Variants in GRIP1 observed in about 807,000 individuals in gnomAD.
GRIP1 encodes the protein glutamate receptor interacting protein 1.
GRIP1 carries 45 observed loss-of-function variants against 129.9 expected under a neutral mutation model. The observed-to-expected ratio is 0.35, with a 90% confidence interval of 0.27 to 0.44. The LOEUF (loss-of-function observed/expected upper bound fraction) is 0.44. Among genes scored for constraint, GRIP1 ranks in the 20% least tolerant of loss-of-function variants. The pLI, the probability that GRIP1 is intolerant of heterozygous loss-of-function variation, is 1.00. For synonymous variants in GRIP1, 530 were observed against 520.8 expected (o/e 1.02, Z -0.24); for missense variants, 1,196 against 1,396.8 (o/e 0.86, Z 2.29).
chr12:66,805,915 A>G (rs547760576), upstream of GRIP1, among the ~76,000 whole-genome samples: 5 of 152,144 alleles, frequency 3.3e-5, no homozygotes, highest in African/African-American at 1.2e-4. Context: ...AAGATGCTAT[A>G]AAATGTTTTA....
intron 1 of GRIP1, among the ~76,000 whole-genome samples, chr12:66,689,624 C>G (rs2034907376): frequency 6.6e-6 from 1 of 152,108 alleles, no homozygotes; most frequent in Non-Finnish European, 1.5e-5. Flanking sequence ...TGACCACAAT[C>G]AATTAACATA....
intron 1 of GRIP1, among the ~76,000 whole-genome samples, chr12:66,925,347 G>A (rs2041279494): frequency 6.6e-6 from 1 of 152,030 alleles, no homozygotes; most frequent in Non-Finnish European, 1.5e-5. Context: ...GTTAAGCTGG[G>A]CAATTGATAA....
chr12:66,661,273 C>T (rs1205945270), intron 1 of GRIP1, among the ~76,000 whole-genome samples: 1 of 151,928 alleles, frequency 6.6e-6, no homozygotes, highest in South Asian at 2.1e-4. Context: ...GAAGAGTGTA[C>T]AGTTCTTCCG....
Position 66,896,079 on chromosome 12 carries a change from G to C in GRIP1, c.58+172971C>G, listed in dbSNP as rs548001800. Among the ~76,000 whole-genome samples the C allele has an allele frequency of 5.9e-5, 9 of 152,284 alleles. No individual in the cohort carries two copies. The East Asian group carries it at 1.5e-3, about 26-fold the overall frequency. ...ATAAGGAGTTGCCAGCTAGACAACT[G>C]TGCATAAAATGCGAGAAAAACTGTA... On this transcript the variant is annotated intron_variant, in intron 1 of 1. Coordinates refer to the GRIP1 transcript ENST00000643019.
At chr12:66,974,266 C>G (rs1278079717) in intron 1 of GRIP1, among the ~76,000 whole-genome samples, 2 of 152,134 alleles carry the variant, frequency 1.3e-5, no homozygotes, top group Non-Finnish European at 2.9e-5. Context: ...AATGATCCAT[C>G]TAAAATCTCA....
chr12:66,794,282 C>T (rs1237477681), intron 1 of GRIP1, among the ~76,000 whole-genome samples: 1 of 152,116 alleles, frequency 6.6e-6, no homozygotes, highest in East Asian at 1.9e-4. Context: ...CTGTGGGTGG[C>T]TTATGGGAAT....
At position 66,463,045 on chromosome 12, in the gene GRIP1, G is replaced by T. The variant is rs781498786; in HGVS notation, c.921C>A (p.Thr307=). Residue 307 remains threonine, a synonymous_variant, in exon 9 of 25, where the codon ACC becomes ACA. Transcript: ENST00000359742. ...VGDHILSIDG[T]SMEYCTLAEA... ...CTGCAAGTGTACAGTACTCCATGCT[G>T]GTTCCATCGATGGAGAGGATGTGAT... 1.2e-6 allele frequency: 2 copies of T among 1,613,300 alleles called. No homozygotes were observed. Among genetic ancestry groups the T allele is most frequent in the Non-Finnish European group, 1.7e-6 (2 of 1,179,246 alleles).
At chr12:66,749,605 G>A (rs537223022) in intron 1 of GRIP1, among the ~76,000 whole-genome samples, 6 of 152,120 alleles carry the variant, frequency 3.9e-5, no homozygotes, top group South Asian at 2.1e-4. Flanking sequence ...TTCCTGTGGC[G>A]GTAATTTGGC....
chr12:66,987,087 T>A (rs1028878109), intron 1 of GRIP1, among the ~76,000 whole-genome samples: 1 of 151,964 alleles, frequency 6.6e-6, no homozygotes, highest in Non-Finnish European at 1.5e-5. Flanking sequence ...GTGAAATACA[T>A]GGGAATAGAG....
intron 7 of GRIP1, among the ~76,000 whole-genome samples, chr12:66,467,236 G>A (rs929489259): frequency 6.6e-6 from 1 of 152,098 alleles, no homozygotes; most frequent in African/African-American, 2.4e-5. Context: ...TTTGGCTCTG[G>A]GGTATTACAA....
At chr12:67,016,373 T>C (rs2042787271) in intron 1 of GRIP1, among the ~76,000 whole-genome samples, 1 of 152,190 alleles carries the variant, frequency 6.6e-6, no homozygotes, top group African/African-American at 2.4e-5. Flanking sequence ...ACTAATATCA[T>C]GACCTTTATT....
intron 7 of GRIP1, among the ~76,000 whole-genome samples, chr12:66,510,276 G>T (rs751669366): frequency 1.4e-4 from 22 of 152,120 alleles, no homozygotes; most frequent in Admixed American, 4.6e-4. Flanking sequence ...CAGTGCATTG[G>T]CCTCCTCAAT....
chr12:66,688,515 T>C (rs983271751), intron 1 of GRIP1, among the ~76,000 whole-genome samples: 9 of 152,264 alleles, frequency 5.9e-5, no homozygotes, highest in African/African-American at 1.9e-4. Context: ...ATAAGAAGCA[T>C]AGACTCAGAA....
intron 14 of GRIP1, among the ~76,000 whole-genome samples, chr12:66,432,007 G>C (rs1448802839): frequency 6.6e-6 from 1 of 152,134 alleles, no homozygotes; most frequent in East Asian, 1.9e-4. Context: ...TAGATGCTTA[G>C]TGGACAGATG....
intron 1 of GRIP1, among the ~76,000 whole-genome samples, chr12:66,665,482 C>A (rs1280628241): frequency 6.6e-6 from 1 of 152,134 alleles, no homozygotes; most frequent in African/African-American, 2.4e-5. Context: ...AAGTTAACCA[C>A]CATCCTAACT....
At chr12:66,870,397 T>C (rs531491685) in intron 1 of GRIP1, among the ~76,000 whole-genome samples, 1 of 152,262 alleles carries the variant, frequency 6.6e-6, no homozygotes, top group South Asian at 2.1e-4. Flanking sequence ...TTTGGTAATG[T>C]TATGTGTTGA....
At chr12:66,746,295 C>T (rs972178648) in intron 1 of GRIP1, among the ~76,000 whole-genome samples, 1 of 152,166 alleles carries the variant, frequency 6.6e-6, no homozygotes, top group Non-Finnish European at 1.5e-5. Context: ...ATTTCCATAA[C>T]TTATTCATGG....
intron 2 of GRIP1, among the ~76,000 whole-genome samples, chr12:66,569,624 T>C (rs191138719): frequency 2.1e-4 from 32 of 152,272 alleles, no homozygotes; most frequent in African/African-American, 7.2e-4. Context: ...CCAGGGACCA[T>C]GGGACTCAGG....
chr12:66,560,093 T>G (rs2062467650), intron 2 of GRIP1, among the ~76,000 whole-genome samples: 1 of 152,072 alleles, frequency 6.6e-6, no homozygotes, highest in African/African-American at 2.4e-5. Flanking sequence ...CAATAAATCA[T>G]GCTGGGAAAA....
Sources: gnomAD v4.1 joint callset for allele counts (sites outside exome capture counted in the v4.1 genomes callset) on GRCh38, gnomAD v4.1.1 for gene constraint, MANE v1.5 for transcripts, NCBI Gene and HGNC (gene_info 2026-07-23, HGNC 2026-07-21) for gene names.